The following DLL3 variants were observed in gnomAD, a reference collection of about 807,000 sequenced individuals.
DLL3 encodes the protein delta-like protein 3.
In DLL3, 49 loss-of-function variants were observed where a neutral mutation model predicts 55.0. That is an observed-to-expected ratio of 0.89 (90% CI 0.71 to 1.13). The LOEUF is 1.13. Ranked by LOEUF, DLL3 falls within the 50% of genes most tolerant of loss-of-function variation. The pLI is 0.00. For missense variants in DLL3, 962 were observed against 875.5 expected (o/e 1.10, Z -1.25); for synonymous variants, 421 against 385.2 (o/e 1.09, Z -1.09).
At chr19:39,503,922 A>G in intron 4 of DLL3, 149 bp from the exon 5 acceptor site, 1 of 791,756 alleles carries the variant, frequency 1.3e-6, no homozygotes, top group Non-Finnish European at 2.1e-6. Context: ...GGGCGGTCAC[A>G]GTACCATCTA....
Position 39,499,405 on chromosome 19 carries a change from G to A in DLL3, c.283G>A (p.Gly95Arg), listed in dbSNP as rs757897789. The A allele has an allele frequency of 2.5e-6, 4 of 1,584,014 alleles. No homozygotes were observed. The highest frequency in any genetic ancestry group is 2.3e-5 in the East Asian group (1 of 43,902). ...ARGPVYTEQPGAPAPDLPLPD... is the reference protein window; with the variant it reads ...ARGPVYTEQPRAPAPDLPLPD... The stretch of plus-strand genomic sequence containing the variant: ...CGGACCGGTCTACACCGAGCAGCCC[G>A]GAGCGCCCGCGCCTGATCTCCCACT... Residue 95 changes from glycine to arginine, a missense_variant, in exon 2 of 9, where the codon GGA (glycine) becomes AGA (arginine). By Grantham distance (125) the Gly-to-Arg change is moderately radical. Coordinates refer to ENST00000356433, the MANE Select transcript of DLL3 (RefSeq NM_203486.3).
At chr19:39,499,710 C>G (rs1054796417) in intron 2 of DLL3, among the ~76,000 whole-genome samples, 1 of 152,186 alleles carries the variant, frequency 6.6e-6, no homozygotes, top group Non-Finnish European at 1.5e-5. Flanking sequence ...ACCCCAAATT[C>G]CCAGAATTTC....
Position 39,502,762 on chromosome 19 carries a change from A to T in DLL3, c.410-53A>T. 2.3e-6 allele frequency: 3 copies of T among 1,316,572 alleles called. No homozygotes were observed. The South Asian group carries it at 6.8e-5, about 30-fold the overall frequency. The allele number at this position is 1,316,572 out of a possible 1,614,324, so 81.6% of individuals were successfully genotyped here. A position where few individuals can be genotyped will look rare whatever the true frequency, so the allele number is the denominator to read the frequency against. On this transcript the variant is annotated intron_variant, in intron 3 of 8. Transcript: ENST00000356433. ...AATGCGGCCGGGGCGCTCCGTATGC[A>T]TCCATGTTCGGCCGGGCCCACCCCA...
chr19:39,503,064 C>T lies in DLL3; in HGVS notation c.652+7C>T. On this transcript the variant is annotated splice_region_variant and intron_variant, in intron 4 of 8. Transcript: ENST00000356433. ...GACGAATGTGAGGCGCCGCGTGAGT[C>T]CTGCGTTCGACCCCACCCCGTCCCA... 5 of 1,522,800 alleles carry T rather than the reference C, an allele frequency of 3.3e-6. No homozygotes were observed. Among genetic ancestry groups the T allele is most frequent in the Non-Finnish European group, 4.4e-6 (5 of 1,141,984 alleles). The allele number at this position is 1,522,800 out of a possible 1,614,324, so 94.3% of individuals were successfully genotyped here.
chr19:39,503,110 C>T, intron 4 of DLL3, 53 bp downstream of exon 4: 1 of 1,499,850 alleles, frequency 6.7e-7, no homozygotes, highest in South Asian at 1.3e-5. Context: ...CCGGCCCCTC[C>T]TGAGCGTCAC....
intron 7 of DLL3, 31 bp downstream of exon 7, chr19:39,507,649 G>C (rs1477254116): frequency 6.3e-7 from 1 of 1,593,714 alleles, no homozygotes; most frequent in Admixed American, 1.8e-5. Flanking sequence ...CGAACGCCTT[G>C]CGCTGCTGGC....
In DLL3 at chr19:39,504,206, C is replaced by G. The variant is rs772500636; in HGVS notation, c.788C>G (p.Pro263Arg). 3.7e-6 allele frequency: 6 copies of G among 1,612,558 alleles called. No individual in the cohort carries two copies. Among genetic ancestry groups the G allele is most frequent in the African/African-American group, 1.3e-5 (1 of 74,926 alleles). Residue 263 changes from proline (P) to arginine (R), a missense_variant, in exon 5 of 9, where the codon CCG becomes CGG. Coordinates refer to ENST00000356433, the MANE Select transcript of DLL3 (RefSeq NM_203486.3). ...STSSCLSPRG[P>R]SSATTGCLVP... ...AGCAGCTGCCTCAGCCCCAGGGGCC[C>G]GTCCTCTGCTACCACCGGATGCCTT...
chr19:39,506,309 G>A (rs2079640766), intron 6 of DLL3, among the ~76,000 whole-genome samples: 1 of 149,386 alleles, frequency 6.7e-6, no homozygotes, highest in African/African-American at 2.5e-5. Context: ...GGAGGTTGCA[G>A]TGAGCCGAGA....
In DLL3 at chr19:39,503,031, C is replaced by A. The variant is rs1204991489; in HGVS notation, c.626C>A (p.Pro209Gln). The change falls in exon 4 of 9, where the codon CCG (proline) becomes CAG (glutamine). Residue 209 changes from proline to glutamine, a missense_variant. Physicochemically the swap from Pro to Gln is moderately conservative, Grantham distance 76 (BLOSUM62 -1). Transcript: ENST00000356433. ...GGTCCGGGACTGCGCCCCTGCGCAC[C>A]GCTCGAGGACGAATGTGAGGCGCCG... is the stretch of plus-strand genomic sequence containing the variant. ...RCGPGLRPCA[P>Q]LEDECEAPLV... 1.3e-6 allele frequency: 2 copies of A among 1,517,920 alleles called. No homozygotes were observed. The highest frequency in any genetic ancestry group is 2.0e-5 in the Admixed American group (1 of 49,492). The allele number at this position is 1,517,920 out of a possible 1,614,324, so 94.0% of individuals were successfully genotyped here.
rs777253263 is a variant in DLL3 at position 39,507,068 on chromosome 19, C to G, written c.1123C>G (p.Leu375Val). The G allele has an allele frequency of 1.3e-6, 2 of 1,541,076 alleles. No individual in the cohort carries two copies. The highest frequency in any genetic ancestry group is 1.7e-6 in the Non-Finnish European group (2 of 1,150,476). Residue 375 changes from leucine to valine, a missense_variant, in exon 7 of 9, where the codon CTG becomes GTG. Leu to Val is a conservative substitution (Grantham distance 32). Transcript: ENST00000356433. ...ACTCTGCCTGGACCTGGGCCACGCC[C>G]TGCGCTGCCGCTGCCGCGCCGGCTT... Reference protein sequence around the residue: ...GGLCLDLGHALRCRCRAGFAG... With the variant: ...GGLCLDLGHAVRCRCRAGFAG...
intron 7 of DLL3, 101 bp from the exon 8 acceptor site, chr19:39,507,728 AC>A: frequency 1.9e-6 from 3 of 1,601,694 alleles, no homozygotes; most frequent in Non-Finnish European, 2.6e-6. Context: ...GGTCTCTCTT[AC>A]CCCGGTAGCT....
Position 39,507,313 on chromosome 19 carries a change from TCCCGGCTACATGGGAG to T in DLL3, c.1370_1385del (p.Pro457ArgfsTer86). On this transcript the variant is annotated frameshift_variant, in exon 7 of 9. Transcript: ENST00000356433. LOFTEE classifies it high-confidence loss of function. ...TCTCCGGCCTCGTCTGCGCTTGCGC[TCCCGGCTACATGGGAG>T]CGCGGTGTGAGTTCCCAGTGCACCC... is the stretch of plus-strand genomic sequence containing the variant. 1 of 1,561,350 alleles carries T rather than the reference TCCCGGCTACATGGGAG, an allele frequency of 6.4e-7. No homozygotes were observed. Among genetic ancestry groups the T allele is most frequent in the Non-Finnish European group, 8.6e-7 (1 of 1,161,456 alleles).
rs148838588 is a variant in DLL3 at position 39,502,337 on chromosome 19, C to A, written c.410-478C>A. On this transcript the variant is annotated intron_variant, in intron 3 of 8. Transcript: ENST00000356433. ...TGGAGTGCGATGGCCGATCTCGGCT[C>A]ACTGCAACCTCCACTTCTGGGTGCA... 6.6e-3 allele frequency among the ~76,000 whole-genome samples: 1,009 copies of A among 151,972 alleles called. 14 individuals carry two copies. Among genetic ancestry groups the A allele is most frequent in the African/African-American group, 0.023 (959 of 41,448 alleles).
At chr19:39,499,585 T>C in intron 2 of DLL3, 112 bp downstream of exon 2, 1 of 1,397,370 alleles carries the variant, frequency 7.2e-7, no homozygotes, top group Non-Finnish European at 9.7e-7. Context: ...TCCCAGGGGG[T>C]GGACGAAATT....
chr19:39,503,144 C>A, intron 4 of DLL3, 87 bp downstream of exon 4: 1 of 1,392,970 alleles, frequency 7.2e-7, no homozygotes. Flanking sequence ...TCCCCTCTCA[C>A]AACCCACTCA....
intron 4 of DLL3, 39 bp downstream of exon 4, chr19:39,503,096 G>C: frequency 6.6e-7 from 1 of 1,515,052 alleles, no homozygotes; most frequent in Non-Finnish European, 8.8e-7. Context: ...CCCAGCCGGG[G>C]ACCCCGGCCC....
Position 39,504,091 on chromosome 19 carries a change from A to G in DLL3, c.673A>G (p.Ser225Gly). 1 of 1,613,392 alleles carries G rather than the reference A, an allele frequency of 6.2e-7. No individual in the cohort carries two copies. Among genetic ancestry groups the G allele is most frequent in the Non-Finnish European group, 8.5e-7 (1 of 1,180,036 alleles). Residue 225 changes from serine (S) to glycine (G), a missense_variant, in exon 5 of 9, where the codon AGC becomes GGC. Coordinates refer to ENST00000356433, the MANE Select transcript of DLL3 (RefSeq NM_203486.3). ...CATAGTGGTGTGCCGAGCAGGCTGC[A>G]GCCCTGAGCATGGCTTCTGTGAACA... ...EAPLVCRAGC[S>G]PEHGFCEQPG... is the part of the protein sequence containing the mutation.
chr19:39,503,097 A>G (rs762121920), intron 4 of DLL3, 40 bp downstream of exon 4: 2 of 1,510,212 alleles, frequency 1.3e-6, no homozygotes, highest in African/African-American at 2.8e-5. Context: ...CCAGCCGGGG[A>G]CCCCGGCCCC....
intron 2 of DLL3, among the ~76,000 whole-genome samples, 185 bp from the exon 3 acceptor site, chr19:39,500,430 C>CCA (rs1555753915): frequency 6.9e-6 from 1 of 144,758 alleles, no homozygotes; most frequent in East Asian, 2.0e-4. Context: ...TCCCCCCCCC[C>CCA]CCAAAAAAAA....
Sources: allele counts gnomAD v4.1 joint callset (sites outside exome capture counted in the v4.1 genomes callset), GRCh38; gene constraint gnomAD v4.1.1; transcripts MANE v1.5; gene names NCBI Gene and HGNC (gene_info 2026-07-23, HGNC 2026-07-21).